NRXN3: variants seen among roughly 807,000 people sequenced by gnomAD.
The protein encoded by NRXN3 is neurexin 3, also known as neurexin III.
A neutral mutation model predicts 137.6 loss-of-function variants in NRXN3; 32 were observed. That is an observed-to-expected ratio of 0.23 (90% CI 0.18 to 0.31). The LOEUF (loss-of-function observed/expected upper bound fraction) is 0.31. NRXN3 is among the 10% of genes least tolerant of loss of function. The pLI is 1.00. For missense variants in NRXN3, 1,574 were observed against 2,062.5 expected, an observed-to-expected ratio of 0.76 and a Z score of 4.59; for synonymous variants, 798 against 784.5, an observed-to-expected ratio of 1.02 and a Z score of -0.29.
chr14:79,154,588 A>G (rs962439041), intron 15 of NRXN3, among the ~76,000 whole-genome samples: 1 of 151,770 alleles, frequency 6.6e-6, no homozygotes, highest in Non-Finnish European at 1.5e-5. Flanking sequence ...AGGCTATTGT[A>G]GGTATTTTGA....
chr14:78,479,936 G>C (rs1259513550), intron 4 of NRXN3, among the ~76,000 whole-genome samples: 2 of 152,054 alleles, frequency 1.3e-5, no homozygotes, highest in African/African-American at 2.4e-5. Flanking sequence ...CCTGAGGTCA[G>C]GAGTTTAAGA....
chr14:79,282,232 G>GA (rs1440269003), intron 15 of NRXN3, among the ~76,000 whole-genome samples: 2 of 151,990 alleles, frequency 1.3e-5, no homozygotes, highest in African/African-American at 4.8e-5. Flanking sequence ...GGTAAGACAG[G>GA]AAAAAAAGAG....
At chr14:78,814,792 A>G (rs544007251) in intron 10 of NRXN3, among the ~76,000 whole-genome samples, 2 of 152,276 alleles carry the variant, frequency 1.3e-5, no homozygotes, top group African/African-American at 4.8e-5. Context: ...AAGTGAAAGT[A>G]TGGAAAATGA....
chr14:79,641,400 A>C lies in NRXN3; in HGVS notation c.3445-22378A>C, dbSNP rs1256048388. 2.2e-5 allele frequency among the ~76,000 whole-genome samples: 3 copies of C among 135,434 alleles called. 1 individual carries two copies. The highest frequency in any genetic ancestry group is 5.2e-5 in the Non-Finnish European group (3 of 58,238). The allele number at this position is 135,434 out of a possible 152,430, so 88.8% of individuals were successfully genotyped here. Reference sequence around the variant, plus strand: ...TATTACCAATCAGAAAAAGGTTTTGAGTCTTTTATTTCCTAAAACTGAGTG... The same window carrying C: ...TATTACCAATCAGAAAAAGGTTTTGCGTCTTTTATTTCCTAAAACTGAGTG... On this transcript the variant is annotated intron_variant, in intron 16 of 20. Coordinates refer to ENST00000335750, the MANE Select transcript of NRXN3 (RefSeq NM_001330195.2).
At chr14:78,535,005 T>A (rs2096519765) in intron 4 of NRXN3, among the ~76,000 whole-genome samples, 1 of 152,170 alleles carries the variant, frequency 6.6e-6, no homozygotes, top group South Asian at 2.1e-4. Flanking sequence ...ACCTGATTGT[T>A]CCTTTGTTAT....
At chr14:79,545,751 C>A (rs893965227) in intron 16 of NRXN3, among the ~76,000 whole-genome samples, 1 of 151,772 alleles carries the variant, frequency 6.6e-6, no homozygotes, top group Non-Finnish European at 1.5e-5. Context: ...CTCCACACTA[C>A]TAAACTACCT....
At chr14:78,810,830 C>T (rs540263803) in intron 10 of NRXN3, among the ~76,000 whole-genome samples, 7 of 152,266 alleles carry the variant, frequency 4.6e-5, no homozygotes, top group South Asian at 2.1e-4. Context: ...AGCAGGTGGG[C>T]AGATCACTGC....
chr14:79,161,215 A>G (rs939942412), intron 15 of NRXN3, among the ~76,000 whole-genome samples: 1 of 151,880 alleles, frequency 6.6e-6, no homozygotes, highest in African/African-American at 2.4e-5. Context: ...TGAAGTGGGG[A>G]AAATTTCAAA....
intron 15 of NRXN3, among the ~76,000 whole-genome samples, chr14:79,347,856 T>C (rs2092976827): frequency 6.6e-6 from 1 of 152,234 alleles, no homozygotes; most frequent in Non-Finnish European, 1.5e-5. Context: ...GTGGAAAGCA[T>C]TCTTGGCCCT....
At chr14:79,590,462 C>A (rs936151265) in intron 16 of NRXN3, among the ~76,000 whole-genome samples, 2 of 136,936 alleles carry the variant, frequency 1.5e-5, no homozygotes, top group African/African-American at 2.8e-5. Context: ...CTAGTCAATA[C>A]TGAGTTGACT....
rs921004241 is a variant in NRXN3 at position 78,263,901 on chromosome 14, G to A, written c.710-14744G>A. Among the ~76,000 whole-genome samples the A allele has an allele frequency of 1.7e-4, 25 of 151,314 alleles. No individual in the cohort carries two copies. In the East Asian group the frequency reaches 1.7e-3, roughly 11 times the overall value. On this transcript the variant is annotated intron_variant, in intron 2 of 20. Coordinates refer to ENST00000335750, the MANE Select transcript of NRXN3 (RefSeq NM_001330195.2). Reference sequence around the variant, plus strand: ...TGTGTGTGTGTGTGTGTGTGTGTGTGTGTGTGTGTGTGTGTGTGTGTGTGT... The same window carrying A: ...TGTGTGTGTGTGTGTGTGTGTGTGTATGTGTGTGTGTGTGTGTGTGTGTGT...
chr14:79,131,228 C>T (rs538482886), intron 15 of NRXN3, among the ~76,000 whole-genome samples: 6 of 152,284 alleles, frequency 3.9e-5, no homozygotes, highest in Non-Finnish European at 7.4e-5. Context: ...TGAGGAACTG[C>T]GTTCCTTTGG....
chr14:78,956,303 G>T (rs969263910), intron 10 of NRXN3, among the ~76,000 whole-genome samples: 6 of 152,056 alleles, frequency 3.9e-5, no homozygotes, highest in African/African-American at 1.4e-4. Flanking sequence ...GATCAATAAC[G>T]ATATACATCC....
At chr14:79,080,550 C>T (rs2046783155) in intron 15 of NRXN3, among the ~76,000 whole-genome samples, 1 of 152,114 alleles carries the variant, frequency 6.6e-6, no homozygotes, top group African/African-American at 2.4e-5. Context: ...CCTCCTTTTC[C>T]ACTTCTTATC....
chr14:78,232,446 AT>A lies in NRXN3; in HGVS notation c.-703-9938del, dbSNP rs11385315. Among the ~76,000 whole-genome samples the A allele has an allele frequency of 4.6e-3, 693 of 151,774 alleles. 5 individuals are homozygous for A. The highest frequency in any genetic ancestry group is 0.016 in the African/African-American group (654 of 41,324). On this transcript the variant is annotated intron_variant, in intron 1 of 20. Coordinates refer to ENST00000335750, the MANE Select transcript of NRXN3 (RefSeq NM_001330195.2). ...TCTCCCCTTCTCTTACATGTGTTTGATTTTTTTCCCCCTCTTTGTGTGGAGA... is the reference window on the plus strand; with the variant it reads ...TCTCCCCTTCTCTTACATGTGTTTGATTTTTTCCCCCTCTTTGTGTGGAGA...
At chr14:79,851,301 TATA>T (rs2099390879) in intron 20 of NRXN3, among the ~76,000 whole-genome samples, 1 of 152,152 alleles carries the variant, frequency 6.6e-6, no homozygotes, top group Non-Finnish European at 1.5e-5. Flanking sequence ...ATGTTAAAAG[TATA>T]ATTAGTCCAA....
Position 79,232,851 on chromosome 14 carries a change from A to C in NRXN3, c.3263-234370A>C, listed in dbSNP as rs577912586. Among the ~76,000 whole-genome samples the C allele has an allele frequency of 2.6e-5, 4 of 152,298 alleles. No individual in the cohort carries two copies. The East Asian group carries it at 7.7e-4, about 29-fold the overall frequency. On this transcript the variant is annotated intron_variant, in intron 15 of 20. Coordinates refer to ENST00000335750, the MANE Select transcript of NRXN3 (RefSeq NM_001330195.2). ...ATGTAAAGTTTTCTTGTAGCACCTC[A>C]TCAAGTGCAGGGCATAAAATCTAAA...
intron 20 of NRXN3, among the ~76,000 whole-genome samples, chr14:79,848,972 T>G (rs2099386217): frequency 6.6e-6 from 1 of 152,156 alleles, no homozygotes; most frequent in Non-Finnish European, 1.5e-5. Context: ...TCCTCCAAAT[T>G]TTCTCATCTC....
In NRXN3 at chr14:78,483,524, T is replaced by C. The variant is rs1202031526; in HGVS notation, c.758-161596T>C. The stretch of plus-strand genomic sequence containing the variant: ...TCCTTACTATTTAAACCGTGTTCAC[T>C]ATTATCCAATAACTTGGCTCTCAGT... On this transcript the variant is annotated intron_variant, in intron 4 of 20. Coordinates refer to ENST00000335750, the MANE Select transcript of NRXN3 (RefSeq NM_001330195.2). Among the ~76,000 whole-genome samples, 3 of 152,250 alleles carry C rather than the reference T, an allele frequency of 2.0e-5. 1 individual carries two copies. The highest frequency in any genetic ancestry group is 4.1e-4 in the South Asian group (2 of 4,832).
Sources: gnomAD v4.1 joint callset for allele counts (sites outside exome capture counted in the v4.1 genomes callset) on GRCh38, gnomAD v4.1.1 for gene constraint, MANE v1.5 for transcripts, NCBI Gene and HGNC (gene_info 2026-07-23, HGNC 2026-07-21) for gene names.